PALM2AKAP2: variants seen among roughly 807,000 people sequenced by gnomAD.
PALM2AKAP2 encodes PALM2-AKAP2 fusion protein.
In PALM2AKAP2, 37 loss-of-function variants were observed where a neutral mutation model predicts 71.5. The observed-to-expected ratio is 0.52, with a 90% CI of 0.40 to 0.68. PALM2AKAP2 has a LOEUF of 0.68. PALM2AKAP2 is among the 30% of genes least tolerant of loss of function. The pLI is 0.00. For synonymous variants in PALM2AKAP2, 468 were observed against 478.8 expected (o/e 0.98, Z 0.29); for missense variants, 1,224 against 1,191.8 (o/e 1.03, Z -0.40).
intron 6 of PALM2AKAP2, among the ~76,000 whole-genome samples, chr9:109,973,991 T>G (rs1832121251): frequency 6.6e-6 from 1 of 152,222 alleles, no homozygotes; most frequent in Non-Finnish European, 1.5e-5. Context: ...ACAGACACTC[T>G]TCCTACTCTC....
chr9:109,769,005 C>A (rs550078305), intron 1 of PALM2AKAP2, among the ~76,000 whole-genome samples: 1 of 152,056 alleles, frequency 6.6e-6, no homozygotes, highest in South Asian at 2.1e-4. Context: ...CTATCCTCTC[C>A]AGTCTTCTAT....
At chr9:110,033,843 A>G (rs1482181386) in intron 7 of PALM2AKAP2, among the ~76,000 whole-genome samples, 1 of 152,252 alleles carries the variant, frequency 6.6e-6, no homozygotes, top group Admixed American at 6.5e-5. Context: ...AATACAAATA[A>G]CACATAGCTA....
chr9:110,018,397 C>T (rs536856421), intron 7 of PALM2AKAP2, among the ~76,000 whole-genome samples: 148 of 152,222 alleles, frequency 9.7e-4, no homozygotes, highest in African/African-American at 3.4e-3. Flanking sequence ...GTGGCATGAT[C>T]GTGGCTCACT....
intron 6 of PALM2AKAP2, among the ~76,000 whole-genome samples, chr9:109,956,070 T>A (rs1045740156): frequency 2.7e-5 from 4 of 148,428 alleles, no homozygotes; most frequent in Non-Finnish European, 6.0e-5. Flanking sequence ...AGTGGCATGA[T>A]CTCAGCCCAC....
intron 7 of PALM2AKAP2, among the ~76,000 whole-genome samples, chr9:110,022,790 C>T (rs1163892856): frequency 1.3e-5 from 2 of 151,752 alleles, no homozygotes; most frequent in Admixed American, 1.3e-4. Flanking sequence ...CATGTGTTCT[C>T]ATTGTTCAGT....
chr9:109,974,909 A>G (rs1307929624), intron 6 of PALM2AKAP2, among the ~76,000 whole-genome samples: 1 of 152,218 alleles, frequency 6.6e-6, no homozygotes, highest in Non-Finnish European at 1.5e-5. Flanking sequence ...GTGAGCACAT[A>G]TGTCCCATAG....
At chr9:109,799,013 A>G (rs922060302) in intron 1 of PALM2AKAP2, among the ~76,000 whole-genome samples, 14 of 152,128 alleles carry the variant, frequency 9.2e-5, no homozygotes, top group African/African-American at 2.7e-4. Context: ...CCGAGTCTCA[A>G]AGACTCACGG....
chr9:109,922,638 G>GTTT (rs906327789), intron 3 of PALM2AKAP2, among the ~76,000 whole-genome samples: 6 of 152,224 alleles, frequency 3.9e-5, no homozygotes, highest in Admixed American at 2.6e-4. Context: ...GCAATCTAGA[G>GTTT]TTTTAGCAAG....
At chr9:109,867,164 C>CTCTCTGTGTG (rs879237135) in intron 1 of PALM2AKAP2, 31 of 399,798 alleles carry the variant, frequency 7.8e-5, no homozygotes, top group Non-Finnish European at 1.3e-4. Flanking sequence ...ACATGGTTCT[C>CTCTCTGTGTG]TGTGTGTGTG....
At chr9:109,741,448 G>A (rs766890673) in intron 1 of PALM2AKAP2, among the ~76,000 whole-genome samples, 10 of 152,240 alleles carry the variant, frequency 6.6e-5, no homozygotes, top group Non-Finnish European at 1.0e-4. Flanking sequence ...GTGCATATAC[G>A]TTTGCATTTC....
chr9:109,952,303 A>C (rs949094364), intron 6 of PALM2AKAP2, among the ~76,000 whole-genome samples: 6 of 152,224 alleles, frequency 3.9e-5, no homozygotes, highest in African/African-American at 1.4e-4. Context: ...CCAAAAAAAA[A>C]GTTTCAAAAA....
chr9:109,849,662 AG>A (rs1313406426), intron 1 of PALM2AKAP2, among the ~76,000 whole-genome samples: 5 of 152,178 alleles, frequency 3.3e-5, no homozygotes, highest in African/African-American at 9.7e-5. Context: ...AGGCTGAGGC[AG>A]GAGAATCACT....
rs530885623 is a variant in PALM2AKAP2 at position 110,026,530 on chromosome 9, G to A, written c.582+10491G>A. Among the ~76,000 whole-genome samples the A allele has an allele frequency of 2.8e-4, 43 of 152,158 alleles. No homozygotes were observed. The South Asian group carries it at 3.3e-3, about 12-fold the overall frequency. ...AAAGGGTACCCGTCTGTGGCGTTAGGTACATTCAAAGTGTTCTGTAACCAT... is the reference window on the plus strand; with the variant it reads ...AAAGGGTACCCGTCTGTGGCGTTAGATACATTCAAAGTGTTCTGTAACCAT... On this transcript the variant is annotated intron_variant, in intron 7 of 9. Coordinates refer to the PALM2AKAP2 transcript ENST00000302798.
chr9:109,849,333 G>T (rs1001674629), intron 1 of PALM2AKAP2, among the ~76,000 whole-genome samples: 6 of 152,160 alleles, frequency 3.9e-5, no homozygotes, highest in Non-Finnish European at 7.4e-5. Context: ...TAAGCATAAG[G>T]CACCCAGCTG....
intron 6 of PALM2AKAP2, chr9:109,943,248 G>A (rs1360583479): frequency 1.2e-6 from 2 of 1,614,260 alleles, no homozygotes; most frequent in Non-Finnish European, 1.7e-6. Flanking sequence ...CATTGAGGGA[G>A]AAGACAGTGA....
intron 3 of PALM2AKAP2, among the ~76,000 whole-genome samples, chr9:109,911,188 G>A (rs1830560463): frequency 1.3e-5 from 2 of 152,068 alleles, no homozygotes; most frequent in African/African-American, 4.8e-5. Flanking sequence ...CATTTTTAGG[G>A]GGAAAAGGAG....
chr9:109,793,379 T>C (rs1036518480), intron 1 of PALM2AKAP2, among the ~76,000 whole-genome samples: 3 of 152,200 alleles, frequency 2.0e-5, no homozygotes, highest in African/African-American at 7.2e-5. Context: ...AAAATAACAT[T>C]GGAATGCTAG....
chr9:109,740,716 C>T (rs1164107972), intron 1 of PALM2AKAP2, among the ~76,000 whole-genome samples: 3 of 152,124 alleles, frequency 2.0e-5, no homozygotes, highest in South Asian at 2.1e-4. Flanking sequence ...TGCAGTGGTG[C>T]GATCTTGGCT....
intron 3 of PALM2AKAP2, among the ~76,000 whole-genome samples, chr9:109,910,367 A>G (rs1228265329): frequency 6.6e-6 from 1 of 152,204 alleles, no homozygotes; most frequent in African/African-American, 2.4e-5. Flanking sequence ...TAAAGGCTGG[A>G]GTTCAGGAGA....
Sources: gnomAD v4.1 joint callset for allele counts (sites outside exome capture counted in the v4.1 genomes callset) on GRCh38, gnomAD v4.1.1 for gene constraint, MANE v1.5 for transcripts, NCBI Gene and HGNC (gene_info 2026-07-23, HGNC 2026-07-21) for gene names.